The following ANKS1B variants were observed in gnomAD, a reference collection of about 807,000 sequenced individuals.
ANKS1B encodes the protein ankyrin repeat and sterile alpha motif domain containing 1B.
In ANKS1B, 36 loss-of-function variants were observed where a neutral mutation model predicts 148.3. That is an observed-to-expected ratio of 0.24 (90% CI 0.19 to 0.32). ANKS1B has a LOEUF of 0.32. Ranked by LOEUF, ANKS1B falls within the 10% of genes least tolerant of loss-of-function variation. The probability of loss-of-function intolerance (pLI) is 1.00; values close to 1 mark genes in which losing one functional copy is unlikely to be tolerated. For missense variants in ANKS1B, 1,157 were observed against 1,542.6 expected (o/e 0.75, Z 4.19); for synonymous variants, 542 against 560.8 (o/e 0.97, Z 0.47).
At chr12:99,359,857 G>C (rs2092338764) in intron 12 of ANKS1B, among the ~76,000 whole-genome samples, 1 of 151,882 alleles carries the variant, frequency 6.6e-6, no homozygotes, top group Non-Finnish European at 1.5e-5. Context: ...TATCCTGATA[G>C]TAATATAAAT....
chr12:99,929,337 TG>T (rs1159856977), intron 1 of ANKS1B, among the ~76,000 whole-genome samples: 9 of 152,200 alleles, frequency 5.9e-5, no homozygotes, highest in Admixed American at 5.9e-4. Flanking sequence ...CACTTGTTGA[TG>T]GGGTGGTTTG....
chr12:98,939,119 G>T (rs2099829718), intron 17 of ANKS1B, among the ~76,000 whole-genome samples: 1 of 152,192 alleles, frequency 6.6e-6, no homozygotes, highest in African/African-American at 2.4e-5. Context: ...AACTGTGAGT[G>T]AGCATCAGCT....
chr12:99,299,622 C>T (rs2081344163), intron 12 of ANKS1B, among the ~76,000 whole-genome samples: 1 of 152,102 alleles, frequency 6.6e-6, no homozygotes, highest in African/African-American at 2.4e-5. Context: ...AACTATAACA[C>T]CTTAACTTTC....
intron 1 of ANKS1B, among the ~76,000 whole-genome samples, chr12:99,899,534 T>C (rs2093511214): frequency 6.6e-6 from 1 of 152,160 alleles, no homozygotes. Context: ...ATATATATTA[T>C]TAAGTAATTA....
intron 9 of ANKS1B, among the ~76,000 whole-genome samples, chr12:99,616,371 C>T (rs1366193122): frequency 6.6e-5 from 10 of 152,244 alleles, no homozygotes; most frequent in Admixed American, 4.6e-4. Context: ...GGAGGCATCA[C>T]GCTACCTGAC....
At chr12:99,626,860 A>G (rs1415363297) in intron 9 of ANKS1B, among the ~76,000 whole-genome samples, 1 of 152,188 alleles carries the variant, frequency 6.6e-6, no homozygotes, top group African/African-American at 2.4e-5. Context: ...TATGATCCGA[A>G]GGCACATAAA....
At chr12:99,412,044 A>G (rs189991346) in intron 11 of ANKS1B, among the ~76,000 whole-genome samples, 43 of 152,254 alleles carry the variant, frequency 2.8e-4, no homozygotes, top group African/African-American at 1.0e-3. Context: ...TTTTGGTGTG[A>G]TTATGCTATT....
At chr12:98,822,752 A>G (rs912041588) in intron 19 of ANKS1B, among the ~76,000 whole-genome samples, 2 of 152,220 alleles carry the variant, frequency 1.3e-5, no homozygotes, top group Non-Finnish European at 2.9e-5. Flanking sequence ...TGACGGGTCT[A>G]TCAGAATCAA....
chr12:98,986,688 C>G (rs1024157299), intron 17 of ANKS1B, among the ~76,000 whole-genome samples: 1 of 152,116 alleles, frequency 6.6e-6, no homozygotes, highest in African/African-American at 2.4e-5. Context: ...AATCATGGGT[C>G]ACTGCAGCCT....
chr12:99,055,773 G>A (rs2099969327), intron 16 of ANKS1B, among the ~76,000 whole-genome samples: 1 of 151,844 alleles, frequency 6.6e-6, no homozygotes, highest in African/African-American at 2.4e-5. Flanking sequence ...CAAATAAATT[G>A]GAACTGAGCC....
At chr12:99,503,077 C>T (rs1031322098) in intron 10 of ANKS1B, among the ~76,000 whole-genome samples, 1 of 152,220 alleles carries the variant, frequency 6.6e-6, no homozygotes, top group African/African-American at 2.4e-5. Flanking sequence ...GCTGGGACTA[C>T]AGGCATGGGC....
chr12:99,438,908 A>G (rs1020078487), intron 11 of ANKS1B, among the ~76,000 whole-genome samples: 2 of 146,394 alleles, frequency 1.4e-5, no homozygotes, highest in African/African-American at 2.8e-5. Context: ...CAAATATTAG[A>G]AAAAAAAGTC....
chr12:99,824,315 C>T (rs2082882324), intron 2 of ANKS1B, among the ~76,000 whole-genome samples: 1 of 151,940 alleles, frequency 6.6e-6, no homozygotes. Flanking sequence ...GCCTGATCAA[C>T]ATGGTGAAAC....
chr12:99,649,363 G>T, intron 9 of ANKS1B: 1 of 1,614,096 alleles, frequency 6.2e-7, no homozygotes, highest in Non-Finnish European at 8.5e-7. Flanking sequence ...TGAAATGTTT[G>T]GGTCCACCTA....
At chr12:99,139,280 CCTT>C (rs2055719760) in intron 15 of ANKS1B, among the ~76,000 whole-genome samples, 1 of 139,816 alleles carries the variant, frequency 7.2e-6, no homozygotes, top group Non-Finnish European at 1.5e-5. Context: ...TTCCTTTCTT[CCTT>C]CTTTCTTCTC....
intron 17 of ANKS1B, among the ~76,000 whole-genome samples, chr12:99,026,754 G>A (rs1024685812): frequency 2.0e-5 from 3 of 152,138 alleles, no homozygotes; most frequent in Admixed American, 2.0e-4. Context: ...TCTTTTACAA[G>A]GATAGGGTGC....
At chr12:98,967,001 C>A (rs910195870) in intron 17 of ANKS1B, among the ~76,000 whole-genome samples, 1 of 152,016 alleles carries the variant, frequency 6.6e-6, no homozygotes, top group Non-Finnish European at 1.5e-5. Flanking sequence ...AACAAACCTG[C>A]ACGTTGTGCA....
At chr12:99,243,038 C>A (rs531267313) in intron 14 of ANKS1B, among the ~76,000 whole-genome samples, 1 of 152,262 alleles carries the variant, frequency 6.6e-6, no homozygotes, top group East Asian at 1.9e-4. Flanking sequence ...CCAGAATAGA[C>A]AAATGGGATC....
At chr12:99,926,587 T>C (rs1250408988) in intron 1 of ANKS1B, among the ~76,000 whole-genome samples, 2 of 152,228 alleles carry the variant, frequency 1.3e-5, no homozygotes, top group Non-Finnish European at 2.9e-5. Context: ...CTGGCTCTCC[T>C]GGATCTCCAG....
Sources: gnomAD v4.1 joint callset for allele counts (sites outside exome capture counted in the v4.1 genomes callset) on GRCh38, gnomAD v4.1.1 for gene constraint, MANE v1.5 for transcripts, NCBI Gene and HGNC (gene_info 2026-07-23, HGNC 2026-07-21) for gene names.